The following DLGAP4 variants were observed in gnomAD, a reference collection of about 807,000 sequenced individuals.
The protein encoded by DLGAP4 is DLG associated protein 4, also known as disks large-associated protein 4.
DLGAP4 carries 18 observed loss-of-function variants against 86.9 expected under a neutral mutation model. The ratio of observed to expected loss-of-function variants is 0.21; its 90% confidence interval spans 0.14 to 0.31. DLGAP4 has a LOEUF of 0.31. Among genes scored for constraint, DLGAP4 ranks in the 10% least tolerant of loss-of-function variants. The probability of loss-of-function intolerance (pLI) is 1.00; values close to 1 mark genes in which losing one functional copy is unlikely to be tolerated. For missense variants in DLGAP4, 1,085 were observed against 1,362.6 expected, an observed-to-expected ratio of 0.80 and a Z score of 3.21; for synonymous variants, 548 against 574.3, an observed-to-expected ratio of 0.95 and a Z score of 0.65.
Position 36,431,339 on chromosome 20 carries a change from C to T in DLGAP4, c.-72-307C>T, listed in dbSNP as rs766376377. Among the ~76,000 whole-genome samples, 12 of 152,246 alleles carry T rather than the reference C, an allele frequency of 7.9e-5. No individual in the cohort carries two copies. Among genetic ancestry groups the T allele is most frequent in the Non-Finnish European group, 1.8e-4 (12 of 68,008 alleles). Reference sequence around the variant, plus strand: ...GGGCAGCCCCCCACCCATATTTCATCATGGAATTCAGAGGAGACCCAGAAC... The same window carrying T: ...GGGCAGCCCCCCACCCATATTTCATTATGGAATTCAGAGGAGACCCAGAAC... On this transcript the variant is annotated intron_variant, in intron 2 of 12. Transcript: ENST00000339266. This position sits in a 1 kb window ranked among gnomAD's most constrained non-coding sequence, Gnocchi z 5.1.
At chr20:36,481,534 T>C (rs1427277365) in intron 7 of DLGAP4, among the ~76,000 whole-genome samples, 1 of 152,200 alleles carries the variant, frequency 6.6e-6, no homozygotes, top group East Asian at 1.9e-4. Context: ...AGTCCTGGGC[T>C]TTCTCATGCA....
intron 1 of DLGAP4, among the ~76,000 whole-genome samples, chr20:36,323,777 C>T (rs2065191936): frequency 6.6e-6 from 1 of 152,296 alleles, no homozygotes; most frequent in East Asian, 1.9e-4. Context: ...GTTAGATTCC[C>T]ATAAGGGGCA....
intron 2 of DLGAP4, among the ~76,000 whole-genome samples, chr20:36,430,492 A>G (rs1341900309): frequency 6.6e-6 from 1 of 152,104 alleles, no homozygotes; most frequent in African/African-American, 2.4e-5. Context: ...GACCTGGATG[A>G]GATGGGCCCT....
chr20:36,401,727 G>A (rs867572352), intron 2 of DLGAP4, among the ~76,000 whole-genome samples: 3 of 152,310 alleles, frequency 2.0e-5, no homozygotes, highest in Middle Eastern at 3.4e-3. Flanking sequence ...CATAAATGAA[G>A]ACCGCTTTTG....
intron 1 of DLGAP4, among the ~76,000 whole-genome samples, chr20:36,357,536 G>T (rs182133939): frequency 6.6e-6 from 1 of 152,244 alleles, no homozygotes; most frequent in East Asian, 1.9e-4. Flanking sequence ...GAAGAGCATG[G>T]CTGTGGACTG....
intron 2 of DLGAP4, among the ~76,000 whole-genome samples, chr20:36,371,916 T>C (rs769596473): frequency 1.4e-4 from 22 of 152,196 alleles, no homozygotes; most frequent in Non-Finnish European, 2.5e-4. Flanking sequence ...TTGGAGTCTT[T>C]CCTGAGTTTT....
intron 10 of DLGAP4, among the ~76,000 whole-genome samples, chr20:36,510,314 A>G (rs1348198476): frequency 1.3e-5 from 2 of 151,494 alleles, no homozygotes; most frequent in African/African-American, 4.9e-5. Context: ...CCCCATCTGA[A>G]GTGCAGTGGC....
At chr20:36,319,560 AG>A (rs1275364390) in intron 1 of DLGAP4, among the ~76,000 whole-genome samples, 17 of 152,178 alleles carry the variant, frequency 1.1e-4, no homozygotes, top group African/African-American at 4.1e-4. Context: ...AAGTGGGCCA[AG>A]GGTGAGCACT....
At chr20:36,318,805 A>G (rs1294243499) in intron 1 of DLGAP4, among the ~76,000 whole-genome samples, 4 of 152,170 alleles carry the variant, frequency 2.6e-5, no homozygotes, top group Admixed American at 6.5e-5. Context: ...GTTGATGACT[A>G]GCTGTTCTAA....
chr20:36,324,155 G>A (rs181759455), intron 1 of DLGAP4, among the ~76,000 whole-genome samples: 1 of 152,106 alleles, frequency 6.6e-6, no homozygotes, highest in South Asian at 2.1e-4. Context: ...AGCTGGGCAC[G>A]GTGGCTCATA....
rs544507876 is a variant in DLGAP4 at position 36,307,773 on chromosome 20, G to A, written c.-304+1261G>A. 4.6e-5 allele frequency among the ~76,000 whole-genome samples: 7 copies of A among 152,284 alleles called. No individual in the cohort carries two copies. In the East Asian group the frequency reaches 1.4e-3, roughly 29 times the overall value. On this transcript the variant is annotated intron_variant, in intron 1 of 12. Coordinates refer to ENST00000339266, the MANE Select transcript of DLGAP4 (RefSeq NM_001365621.2). ...CTCCAAGCCTAGTCCCCAGTAGGGA[G>A]GGGGGAGTCCTGGCTCTCTCTGCCT...
intron 2 of DLGAP4, among the ~76,000 whole-genome samples, chr20:36,417,501 C>A (rs1055830649): frequency 1.3e-5 from 2 of 152,122 alleles, no homozygotes; most frequent in Non-Finnish European, 2.9e-5. Flanking sequence ...CCCGTCACAG[C>A]CTCCCAAGTC....
At chr20:36,391,286 T>A (rs2031776570) in intron 2 of DLGAP4, among the ~76,000 whole-genome samples, 1 of 152,214 alleles carries the variant, frequency 6.6e-6, no homozygotes, top group Non-Finnish European at 1.5e-5. Flanking sequence ...CCAGCACAGC[T>A]GAAAGCTCTC....
At chr20:36,463,583 T>G (rs2034199055) in intron 7 of DLGAP4, among the ~76,000 whole-genome samples, 1 of 152,226 alleles carries the variant, frequency 6.6e-6, no homozygotes, top group Non-Finnish European at 1.5e-5. Context: ...TGCTTGTTCT[T>G]TGTTAGTCCG....
intron 1 of DLGAP4, among the ~76,000 whole-genome samples, chr20:36,345,711 T>C (rs1485670032): frequency 6.6e-6 from 1 of 152,156 alleles, no homozygotes; most frequent in Non-Finnish European, 1.5e-5. Flanking sequence ...CCTGCCCCAC[T>C]GTAAGGGCTT....
chr20:36,452,536 G>A (rs1349247151), intron 7 of DLGAP4, among the ~76,000 whole-genome samples: 1 of 136,636 alleles, frequency 7.3e-6, no homozygotes, highest in Non-Finnish European at 1.6e-5. Context: ...TTTTTTTTTA[G>A]ACAGAGTCTT....
At chr20:36,461,754 CG>C in intron 7 of DLGAP4, 22 of 605,226 alleles carry the variant, frequency 3.6e-5, no homozygotes, top group South Asian at 6.0e-5. Context: ...TCCGTCCGCC[CG>C]CCCGCCCGCC....
intron 10 of DLGAP4, among the ~76,000 whole-genome samples, chr20:36,501,401 C>T (rs1311382787): frequency 6.6e-6 from 1 of 152,206 alleles, no homozygotes; most frequent in Non-Finnish European, 1.5e-5. Context: ...GTGTGCCAAG[C>T]ACCAGGGATC....
intron 7 of DLGAP4, among the ~76,000 whole-genome samples, chr20:36,455,052 G>A (rs1246096075): frequency 6.6e-6 from 1 of 152,150 alleles, no homozygotes; most frequent in African/African-American, 2.4e-5. Context: ...CTAGGAGGGG[G>A]CTTGGGGGTG....
Sources: allele counts gnomAD v4.1 joint callset (sites outside exome capture counted in the v4.1 genomes callset), GRCh38; gene constraint gnomAD v4.1.1; non-coding constraint Gnocchi (gnomAD v3.1); transcripts MANE v1.5; gene names NCBI Gene and HGNC (gene_info 2026-07-23, HGNC 2026-07-21).